Variants in ZNF98 observed in about 807,000 individuals in gnomAD.
The protein encoded by ZNF98 is zinc finger protein 739.
In ZNF98, 8 loss-of-function variants were observed where a neutral mutation model predicts 12.8. The ratio of observed to expected loss-of-function variants is 0.63; its 90% CI spans 0.37 to 1.13. The LOEUF (loss-of-function observed/expected upper bound fraction) is 1.13. Ranked by LOEUF, ZNF98 falls within the 50% of genes most tolerant of loss-of-function variation. The pLI is 0.01. For synonymous variants in ZNF98, 112 were observed against 223.5 expected (o/e 0.50, Z 4.45); for missense variants, 379 against 666.1 (o/e 0.57, Z 4.74).
chr19:22,416,717 A>T (rs1309972562), intron 1 of ZNF98, among the ~76,000 whole-genome samples: 1 of 152,166 alleles, frequency 6.6e-6, no homozygotes, highest in East Asian at 1.9e-4. Flanking sequence ...GTGCCACTGC[A>T]CTCCAGCCTG....
At chr19:22,399,558 G>A (rs1452724976) in intron 3 of ZNF98, among the ~76,000 whole-genome samples, 5 of 152,254 alleles carry the variant, frequency 3.3e-5, no homozygotes, top group Admixed American at 3.3e-4. Flanking sequence ...GGTACTAGCT[G>A]ACAAAAGTGA....
intron 3 of ZNF98, among the ~76,000 whole-genome samples, chr19:22,395,860 A>G (rs1248564403): frequency 2.4e-5 from 3 of 127,200 alleles, no homozygotes; most frequent in Non-Finnish European, 4.8e-5. Flanking sequence ...GTGTGACACA[A>G]AGTCCTGAGG....
rs1256477054 is a variant in ZNF98 at position 22,416,356 on chromosome 19, G to A, written c.30+5839C>T. Among the ~76,000 whole-genome samples the A allele has an allele frequency of 2.0e-5, 3 of 152,170 alleles. No individual in the cohort carries two copies. In the East Asian group the frequency reaches 5.8e-4, roughly 29 times the overall value. On this transcript the variant is annotated intron_variant, in intron 1 of 3. Coordinates refer to ENST00000357774, the MANE Select transcript of ZNF98 (RefSeq NM_001098626.2). Reference sequence around the variant, plus strand: ...GTGGTGGTGGGCATCTGTAGTCCCAGCTACTGGGGAGGCTGAGGCAGGAGA... The same window carrying A: ...GTGGTGGTGGGCATCTGTAGTCCCAACTACTGGGGAGGCTGAGGCAGGAGA...
chr19:22,391,306 T>A lies in ZNF98; in HGVS notation c.*210A>T, dbSNP rs1280025891. ...ATAAATTCTCTGATGCTGAATAAGATGTGTGCAGATATTAATCACTTTTTT... is the reference window on the plus strand; with the variant it reads ...ATAAATTCTCTGATGCTGAATAAGAAGTGTGCAGATATTAATCACTTTTTT... On this transcript the variant is annotated 3_prime_UTR_variant, in exon 4 of 4. Transcript: ENST00000357774. 1.4e-5 allele frequency: 14 copies of A among 995,266 alleles called. No homozygotes were observed. Among genetic ancestry groups the A allele is most frequent in the Non-Finnish European group, 2.0e-5 (14 of 701,100 alleles). 61.7% of individuals were successfully genotyped at this position (995,266 alleles called of 1,614,324 possible). A position where few individuals can be genotyped will look rare whatever the true frequency, so the allele number is the denominator to read the frequency against.
At chr19:22,410,615 G>A (rs891146245) in intron 1 of ZNF98, among the ~76,000 whole-genome samples, 1 of 152,176 alleles carries the variant, frequency 6.6e-6, no homozygotes, top group Non-Finnish European at 1.5e-5. Flanking sequence ...TGGGGGCAAG[G>A]GGAGGGCACC....
At chr19:22,393,582 G>A (rs10425699) in intron 3 of ZNF98, among the ~76,000 whole-genome samples, 1 of 151,360 alleles carries the variant, frequency 6.6e-6, no homozygotes, top group Non-Finnish European at 1.5e-5. Context: ...CAAGAAATGG[G>A]GAAAGGATTC....
rs760799516 is a variant in ZNF98, at chr19:22,392,898, T to A, written c.337A>T (p.Lys113Ter). 1 of 1,607,594 alleles carries A rather than the reference T, an allele frequency of 6.2e-7. No individual in the cohort carries two copies. The highest frequency in any genetic ancestry group is 8.5e-7 in the Non-Finnish European group (1 of 1,177,806). Residue 113 changes from lysine (K) to a stop codon, truncating the protein, a stop_gained, in exon 4 of 4, where the codon AAA becomes TAA. Coordinates refer to ENST00000357774, the MANE Select transcript of ZNF98 (RefSeq NM_001098626.2). LOFTEE classifies it low-confidence loss of function (END_TRUNC). The stretch of plus-strand genomic sequence containing the variant: ...TGTAAATTTTCACGTCCACATTTTT[T>A]ATATGTTCTCAGTATCACTTTTTGG... The part of the protein sequence containing the change: ...YFQKVILRTY[K>*]KCGRENLQLR...
chr19:22,412,724 C>G (rs912074452), intron 1 of ZNF98, among the ~76,000 whole-genome samples: 18 of 151,600 alleles, frequency 1.2e-4, no homozygotes, highest in Non-Finnish European at 1.2e-4. Context: ...CGACTATGAT[C>G]GAGTAGGGTT....
intron 1 of ZNF98, among the ~76,000 whole-genome samples, chr19:22,414,008 C>T (rs1475488973): frequency 1.3e-5 from 2 of 151,184 alleles, no homozygotes; most frequent in Middle Eastern, 3.2e-3. Context: ...GAGGCTGAAG[C>T]GGCTGGATCA....
At chr19:22,405,178 A>C (rs934446850) in intron 1 of ZNF98, among the ~76,000 whole-genome samples, 1 of 151,978 alleles carries the variant, frequency 6.6e-6, no homozygotes, top group Admixed American at 6.6e-5. Context: ...AAGAAAAAGC[A>C]CATGTAGAAA....
At chr19:22,420,923 A>T (rs1177543736) in intron 1 of ZNF98, among the ~76,000 whole-genome samples, 1 of 152,218 alleles carries the variant, frequency 6.6e-6, no homozygotes, top group Admixed American at 6.5e-5. Context: ...TTCTCATGGG[A>T]AATACTTACA....
chr19:22,416,714 T>TG (rs1237750363), intron 1 of ZNF98, among the ~76,000 whole-genome samples: 1 of 151,988 alleles, frequency 6.6e-6, no homozygotes, highest in Non-Finnish European at 1.5e-5. Flanking sequence ...ATCGTGCCAC[T>TG]GCACTCCAGC....
In ZNF98 at chr19:22,422,322, TC is replaced by T; in HGVS notation, c.-99del. ...GAAGGGCGAAGACGAGACCAGGAAC[TC>T]CGGCTGCAGCGAGAGACAAAGACCC... On this transcript the variant is annotated 5_prime_UTR_variant, in exon 1 of 4. Coordinates refer to ENST00000357774, the MANE Select transcript of ZNF98 (RefSeq NM_001098626.2). 6.9e-7 allele frequency: 1 copy of T among 1,439,978 alleles called. No individual in the cohort carries two copies. Among genetic ancestry groups the T allele is most frequent in the Non-Finnish European group, 9.7e-7 (1 of 1,029,014 alleles). 89.2% of individuals were successfully genotyped at this position (1,439,978 alleles called of 1,614,324 possible). A position where few individuals can be genotyped will look rare whatever the true frequency, so the allele number is the denominator to read the frequency against.
At chr19:22,405,357 T>C (rs1016324425) in intron 1 of ZNF98, among the ~76,000 whole-genome samples, 6 of 147,776 alleles carry the variant, frequency 4.1e-5, no homozygotes, top group Admixed American at 6.8e-5. Context: ...AAAAGAACCA[T>C]AATGGCCTGT....
intron 1 of ZNF98, among the ~76,000 whole-genome samples, chr19:22,418,993 G>A (rs1969675145): frequency 6.6e-6 from 1 of 152,170 alleles, no homozygotes; most frequent in Non-Finnish European, 1.5e-5. Flanking sequence ...CTCAATCTGA[G>A]TCGAAATACA....
chr19:22,411,811 G>A (rs1219620219), intron 1 of ZNF98, among the ~76,000 whole-genome samples: 1 of 152,170 alleles, frequency 6.6e-6, no homozygotes, highest in Non-Finnish European at 1.5e-5. Context: ...CCAGGTCACT[G>A]GACATGTTCT....
intron 1 of ZNF98, among the ~76,000 whole-genome samples, chr19:22,405,269 T>TAAAAAA (rs71180544): frequency 8.1e-6 from 1 of 123,600 alleles, no homozygotes. Context: ...CATGCTTAGC[T>TAAAAAA]AAAAAAAAAA....
At chr19:22,414,819 G>A (rs1466346885) in intron 1 of ZNF98, among the ~76,000 whole-genome samples, 5 of 151,772 alleles carry the variant, frequency 3.3e-5, no homozygotes, top group African/African-American at 4.8e-5. Flanking sequence ...CACAGAAGCC[G>A]GCAAAAATTT....
chr19:22,419,917 G>A (rs1238517506), intron 1 of ZNF98, among the ~76,000 whole-genome samples: 1 of 152,062 alleles, frequency 6.6e-6, no homozygotes, highest in East Asian at 1.9e-4. Context: ...CAGCACTTTG[G>A]GAGAACGAGG....
Sources: gnomAD v4.1 joint callset for allele counts (sites outside exome capture counted in the v4.1 genomes callset) on GRCh38, gnomAD v4.1.1 for gene constraint, MANE v1.5 for transcripts, NCBI Gene and HGNC (gene_info 2026-07-23, HGNC 2026-07-21) for gene names.